The following FIP1L1 variants were observed in gnomAD, a reference collection of about 807,000 sequenced individuals.
The protein encoded by FIP1L1 is pre-mRNA 3'-end-processing factor FIP1.
In FIP1L1, 21 loss-of-function variants were observed where a neutral mutation model predicts 84.6. That is an observed-to-expected ratio of 0.25 (90% confidence interval 0.18 to 0.36). The LOEUF is 0.36. Ranked by LOEUF, FIP1L1 falls within the 10% of genes least tolerant of loss-of-function variation. FIP1L1 has a pLI of 1.00. For synonymous variants in FIP1L1, 263 were observed against 242.3 expected (o/e 1.09, Z -0.80); for missense variants, 526 against 751.1 (o/e 0.70, Z 3.50).
chr4:53,381,751 T>C (rs1738000135), intron 3 of FIP1L1, among the ~76,000 whole-genome samples: 1 of 118,684 alleles, frequency 8.4e-6, no homozygotes, highest in Non-Finnish European at 1.7e-5. Flanking sequence ...GGCATTTGCA[T>C]TCTTTTTTTT....
intron 9 of FIP1L1, among the ~76,000 whole-genome samples, chr4:53,397,157 G>T (rs1747821913): frequency 6.6e-6 from 1 of 152,186 alleles, no homozygotes; most frequent in South Asian, 2.1e-4. Context: ...TGTTTTCCCT[G>T]TAAAGAGAAA....
chr4:53,390,760 A>G, intron 7 of FIP1L1, 132 bp downstream of exon 7: 1 of 644,900 alleles, frequency 1.6e-6, no homozygotes, highest in Non-Finnish European at 2.6e-6. Context: ...GATGAGTAAT[A>G]ATGACTTGGG....
Position 53,391,045 on chromosome 4 carries a change from A to G in FIP1L1, c.542A>G (p.Asn181Ser), listed in dbSNP as rs746477796. The G allele has an allele frequency of 4.3e-6, 7 of 1,610,234 alleles. No homozygotes were observed. Among genetic ancestry groups the G allele is most frequent in the Non-Finnish European group, 5.9e-6 (7 of 1,178,354 alleles). The change falls in exon 8 of 18, where the codon AAT (asparagine) becomes AGT (serine). Residue 181 changes from asparagine (N) to serine (S), a missense_variant. Asn to Ser is a conservative substitution (Grantham distance 46, BLOSUM62 1). This residue lies in a region of FIP1L1 where 169 missense variants were observed against 206.9 expected (regional missense o/e 0.82). Coordinates refer to ENST00000337488, the MANE Select transcript of FIP1L1 (RefSeq NM_030917.4). Reference protein sequence around the residue: ...DLSDYFNYGFNEDTWKAYCEK... With the variant: ...DLSDYFNYGFSEDTWKAYCEK... Reference sequence around the variant, plus strand: ...TCTGATTATTTTAATTATGGGTTTAATGAAGATACCTGGAAAGCTTACTGT... The same window carrying G: ...TCTGATTATTTTAATTATGGGTTTAGTGAAGATACCTGGAAAGCTTACTGT...
At chr4:53,392,078 A>G (rs1744545368) in intron 9 of FIP1L1, among the ~76,000 whole-genome samples, 1 of 152,256 alleles carries the variant, frequency 6.6e-6, no homozygotes, top group African/African-American at 2.4e-5. Flanking sequence ...GGTTGATACT[A>G]CAACTTGTAT....
intron 10 of FIP1L1, among the ~76,000 whole-genome samples, chr4:53,411,345 G>T (rs1157283539): frequency 6.6e-6 from 1 of 152,086 alleles, no homozygotes; most frequent in African/African-American, 2.4e-5. Context: ...ACCTATAAAA[G>T]TTACCTAAGT....
chr4:53,432,347 G>A (rs1186780349), intron 13 of FIP1L1, among the ~76,000 whole-genome samples: 4 of 128,464 alleles, frequency 3.1e-5, no homozygotes, highest in Admixed American at 9.3e-5. Flanking sequence ...GCAGTGAGCC[G>A]AGATCACACC....
chr4:53,423,475 C>T (rs537856959), intron 11 of FIP1L1, among the ~76,000 whole-genome samples: 6 of 152,220 alleles, frequency 3.9e-5, no homozygotes, highest in Admixed American at 2.6e-4. Flanking sequence ...TAAGAACTTT[C>T]GTGGAATAAT....
chr4:53,448,431 T>C (rs949131581), intron 15 of FIP1L1, among the ~76,000 whole-genome samples: 2 of 152,112 alleles, frequency 1.3e-5, no homozygotes, highest in Admixed American at 6.5e-5. Context: ...CTTTTACATA[T>C]GTATTTTAGA....
intron 10 of FIP1L1, among the ~76,000 whole-genome samples, chr4:53,407,729 A>C (rs1394481819): frequency 6.6e-6 from 1 of 151,908 alleles, no homozygotes; most frequent in Non-Finnish European, 1.5e-5. Context: ...TGTTGAATTG[A>C]TCCCTTTAGC....
In FIP1L1 at chr4:53,409,915, A is replaced by G. The variant is rs141274819; in HGVS notation, c.816-4700A>G. Among the ~76,000 whole-genome samples the G allele has an allele frequency of 7.9e-3, 1,209 of 152,334 alleles. 16 individuals carry two copies. The highest frequency in any genetic ancestry group is 0.027 in the African/African-American group (1,142 of 41,588). ...TGTCACCCCTTTCTTTGACTAGGAA[A>G]GGGAACTCCCTGACCCCTTGCGCTT... On this transcript the variant is annotated intron_variant, in intron 10 of 17. Transcript: ENST00000337488.
intron 10 of FIP1L1, among the ~76,000 whole-genome samples, chr4:53,409,403 C>G (rs1450784665): frequency 6.6e-6 from 1 of 152,174 alleles, no homozygotes; most frequent in Non-Finnish European, 1.5e-5. Context: ...CAGTCTGCCC[C>G]TACTGGGGGG....
At chr4:53,442,737 CATT>C (rs762593598) in intron 14 of FIP1L1, 30 bp downstream of exon 14, 1 of 1,308,124 alleles carries the variant, frequency 7.6e-7, no homozygotes, top group Non-Finnish European at 1.1e-6. Flanking sequence ...GATTTTTGAT[CATT>C]GATAGCCTTT....
chr4:53,403,555 TG>T (rs2149533146), intron 10 of FIP1L1, among the ~76,000 whole-genome samples: 1 of 152,354 alleles, frequency 6.6e-6, no homozygotes, highest in African/African-American at 2.4e-5. Flanking sequence ...GACAAACTCT[TG>T]GAAAGCATTT....
At chr4:53,401,384 A>G (rs1469169509) in intron 10 of FIP1L1, among the ~76,000 whole-genome samples, 1 of 152,200 alleles carries the variant, frequency 6.6e-6, no homozygotes, top group Non-Finnish European at 1.5e-5. Flanking sequence ...CAGAGCAATG[A>G]AATAATCTGA....
intron 5 of FIP1L1, among the ~76,000 whole-genome samples, chr4:53,385,187 A>G (rs1740261643): frequency 1.3e-5 from 2 of 152,168 alleles, no homozygotes; most frequent in Non-Finnish European, 2.9e-5. Context: ...GTAGGCCTTT[A>G]CTATCTGCAT....
intron 3 of FIP1L1, among the ~76,000 whole-genome samples, chr4:53,380,588 G>A (rs894536793): frequency 1.3e-5 from 2 of 152,144 alleles, no homozygotes; most frequent in African/African-American, 4.8e-5. Context: ...AATGGATAGA[G>A]GGAAAAAGTG....
chr4:53,379,100 A>G lies in FIP1L1; in HGVS notation c.113A>G (p.Asp38Gly). ...CCATGGGACGTGCATGTGCACAGTG[A>G]TTTGGCAAAGGACCTAGGTTAGTGC... is the stretch of plus-strand genomic sequence containing the variant. ...GGPWDVHVHS[D>G]LAKDLDENEV... The change falls in exon 2 of 18, where the codon GAT becomes GGT. Residue 38 changes from aspartate (D) to glycine (G), a missense_variant. By Grantham distance (94) the Asp-to-Gly change is moderately conservative (BLOSUM62 -1). This residue lies in a region of FIP1L1 where 100 missense variants were observed against 107.2 expected (regional missense o/e 0.93). Transcript: ENST00000337488. The G allele has an allele frequency of 6.2e-7, 1 of 1,614,154 alleles. No individual in the cohort carries two copies. The highest frequency in any genetic ancestry group is 8.5e-7 in the Non-Finnish European group (1 of 1,179,998).
intron 5 of FIP1L1, 72 bp downstream of exon 5, chr4:53,383,948 C>G: frequency 7.4e-7 from 1 of 1,357,084 alleles, no homozygotes; most frequent in East Asian, 2.4e-5. Context: ...ATATCAAACT[C>G]TCAGTGGTTG....
intron 4 of FIP1L1, among the ~76,000 whole-genome samples, chr4:53,383,413 G>C (rs1285415220): frequency 6.6e-6 from 1 of 152,212 alleles, no homozygotes; most frequent in Non-Finnish European, 1.5e-5. Flanking sequence ...TGTAATTCCA[G>C]CACTTTGGGA....
Sources: gnomAD v4.1 joint callset for allele counts (sites outside exome capture counted in the v4.1 genomes callset) on GRCh38, gnomAD v4.1.1 for gene constraint, gnomAD v4.1.1 regional missense constraint, MANE v1.5 for transcripts, NCBI Gene and HGNC (gene_info 2026-07-23, HGNC 2026-07-21) for gene names.